The following ENO4 variants were observed in gnomAD, a reference collection of about 807,000 sequenced individuals.
The protein encoded by ENO4 is enolase 4.
Under a neutral mutation model 63.2 loss-of-function variants are expected in ENO4, and 53 were observed. That is an observed-to-expected ratio of 0.84 (90% CI 0.67 to 1.05). The LOEUF is 1.05. ENO4 is among the 50% of genes least tolerant of loss of function. The probability of loss-of-function intolerance (pLI) is 0.00; values close to 1 mark genes in which losing one functional copy is unlikely to be tolerated. For synonymous variants in ENO4, 266 were observed against 283.8 expected, an observed-to-expected ratio of 0.94 and a Z score of 0.63; for missense variants, 719 against 772.0, an observed-to-expected ratio of 0.93 and a Z score of 0.81.
chr10:116,883,197 A>G (rs1847071740), downstream of ENO4: 1 of 152,166 alleles, frequency 6.6e-6, no homozygotes, highest in Admixed American at 6.5e-5. Flanking sequence ...TCACCAATGG[A>G]TAATTAGCAT....
intron 1 of ENO4, among the ~76,000 whole-genome samples, chr10:116,854,543 G>C (rs960199145): frequency 6.9e-5 from 10 of 145,212 alleles, no homozygotes; most frequent in Admixed American, 4.1e-4. Flanking sequence ...CTGGGTGACA[G>C]AGTGAGACTC....
intron 8 of ENO4, among the ~76,000 whole-genome samples, chr10:116,869,571 C>T (rs755628968): frequency 1.3e-4 from 20 of 152,252 alleles, no homozygotes; most frequent in African/African-American, 3.6e-4. Context: ...ACACATACAG[C>T]GGTAAGTAAA....
At position 116,881,533 on chromosome 10, in the gene ENO4, C is replaced by T; in HGVS notation, c.1742C>T (p.Thr581Ile). The change falls in exon 14 of 14, where the codon ACT (threonine) becomes ATT (isoleucine). Residue 581 changes from threonine (T) to isoleucine (I), a missense_variant. Thr to Ile is a moderately conservative substitution (Grantham distance 89). Transcript: ENST00000341276. The stretch of plus-strand genomic sequence containing the variant: ...TAAATAGGTTTCAAAGAAGAACACA[C>T]TTTTTTTTACTTTAATGAGGAAGCT... ...NGTLGFKEEH[T>I]FFYFNEEAEK... is the part of the protein sequence containing the mutation. 6.5e-6 allele frequency: 10 copies of T among 1,543,152 alleles called. No homozygotes were observed. Among genetic ancestry groups the T allele is most frequent in the Non-Finnish European group, 8.7e-6 (10 of 1,144,376 alleles).
At position 116,856,612 on chromosome 10, in the gene ENO4, A is replaced by C. The variant is rs1050059021; in HGVS notation, c.415A>C (p.Asn139His). ...GGTGAGCACCGCCGTGCAGTGGGTC[A>C]ACAGCACCATCACGCACGAGCTCCA... ...SAVSTAVQWV[N>H]STITHELQGM... The change falls in exon 3 of 14, where the codon AAC (asparagine) becomes CAC (histidine). Residue 139 changes from asparagine (N) to histidine (H), a missense_variant. Physicochemically the swap from Asn to His is moderately conservative, Grantham distance 68. This residue lies in a region of ENO4 where 544 missense variants were observed against 583.6 expected (regional missense o/e 0.93). Coordinates refer to ENST00000341276, the MANE Select transcript of ENO4 (RefSeq NM_001242699.2). The C allele has an allele frequency of 3.9e-6, 6 of 1,536,074 alleles. No individual in the cohort carries two copies. In the African/African-American group the frequency reaches 6.8e-5, roughly 18 times the overall value.
intron 10 of ENO4, among the ~76,000 whole-genome samples, chr10:116,895,069 A>G (rs902574739): frequency 6.6e-6 from 1 of 151,792 alleles, no homozygotes; most frequent in African/African-American, 2.4e-5. Context: ...TTAAAAAGGC[A>G]TAGAATAAAG....
At chr10:116,874,231 C>A (rs1200757510) in intron 10 of ENO4, 30 bp downstream of exon 10, 1 of 1,499,356 alleles carries the variant, frequency 6.7e-7, no homozygotes, top group Non-Finnish European at 9.0e-7. Context: ...TATTTTATAA[C>A]ATATTTTATA....
At chr10:116,902,644 T>G (rs559948269) in intron 10 of ENO4, among the ~76,000 whole-genome samples, 54 of 152,316 alleles carry the variant, frequency 3.5e-4, no homozygotes, top group Non-Finnish European at 5.3e-4. Flanking sequence ...GTCCCTAATT[T>G]TAGGTGGAAA....
intron 10 of ENO4, among the ~76,000 whole-genome samples, chr10:116,888,558 C>CTG (rs1847235549): frequency 6.6e-6 from 1 of 152,192 alleles, no homozygotes; most frequent in Non-Finnish European, 1.5e-5. Flanking sequence ...CTATCTCTCT[C>CTG]TCACAAGCAC....
At chr10:116,896,170 T>C (rs1308005432) in intron 10 of ENO4, among the ~76,000 whole-genome samples, 2 of 152,122 alleles carry the variant, frequency 1.3e-5, no homozygotes, top group African/African-American at 4.8e-5. Flanking sequence ...CCCCCGAAAA[T>C]GCTTTTTTCC....
At chr10:116,897,722 G>A (rs1589783736) in intron 10 of ENO4, among the ~76,000 whole-genome samples, 1 of 152,158 alleles carries the variant, frequency 6.6e-6, no homozygotes, top group Non-Finnish European at 1.5e-5. Context: ...AGGAAATTCA[G>A]TTATAGATTA....
intron 3 of ENO4, among the ~76,000 whole-genome samples, 175 bp from the exon 4 acceptor site, chr10:116,858,815 G>T (rs1010335122): frequency 1.3e-5 from 2 of 152,140 alleles, no homozygotes; most frequent in South Asian, 2.1e-4. Flanking sequence ...CTTGAATGCA[G>T]TTTTATAACA....
At chr10:116,858,746 T>A (rs894831817) in intron 3 of ENO4, among the ~76,000 whole-genome samples, 7 of 152,220 alleles carry the variant, frequency 4.6e-5, no homozygotes, top group African/African-American at 1.4e-4. Context: ...TCAAATAATT[T>A]AAAAATGAGC....
In ENO4 at chr10:116,881,570, G is replaced by C. The variant is rs1354406975; in HGVS notation, c.1779G>C (p.Ala593=). The C allele has an allele frequency of 7.1e-6, 11 of 1,550,124 alleles. No individual in the cohort carries two copies. The highest frequency in any genetic ancestry group is 9.6e-6 in the Non-Finnish European group (11 of 1,146,874). ...TTAATGAGGAAGCTGAAAAGGCTGC[G>C]GAGGCACTTGAGGCTGCTGCGGCTA... ...FYFNEEAEKA[A]EALEAAAARE... is the part of the protein sequence containing the mutation. Residue 593 remains alanine (A), a synonymous_variant, in exon 14 of 14, where the codon GCG becomes GCC. Coordinates refer to ENST00000341276, the MANE Select transcript of ENO4 (RefSeq NM_001242699.2).
At chr10:116,878,961 T>C (rs370062792) in intron 11 of ENO4, among the ~76,000 whole-genome samples, 11 of 152,200 alleles carry the variant, frequency 7.2e-5, no homozygotes, top group African/African-American at 2.6e-4. Flanking sequence ...GCCAGGATGG[T>C]CTCGATCTCC....
At chr10:116,877,553 T>C (rs1416432690) in intron 11 of ENO4, among the ~76,000 whole-genome samples, 1 of 151,744 alleles carries the variant, frequency 6.6e-6, no homozygotes, top group East Asian at 1.9e-4. Context: ...GAGGCAAGGG[T>C]AGGTTCACTA....
intron 8 of ENO4, 49 bp downstream of exon 8, chr10:116,868,755 A>G: frequency 6.7e-7 from 1 of 1,483,346 alleles, no homozygotes. Flanking sequence ...CTGTCTATAA[A>G]TTTCCTGCCC....
rs1847019668 is a variant in ENO4, at chr10:116,881,650, C to G, written c.1859C>G (p.Thr620Arg). ...PTQGVEESAE[T>R]GASSG ...CAAGGTGTAGAGGAATCAGCCGAAACAGGAGCATCCTCTGGATAGGGCTGT... is the reference window on the plus strand; with the variant it reads ...CAAGGTGTAGAGGAATCAGCCGAAAGAGGAGCATCCTCTGGATAGGGCTGT... The change falls in exon 14 of 14, where the codon ACA becomes AGA. Residue 620 changes from threonine to arginine, a missense_variant. Physicochemically the swap from Thr to Arg is moderately conservative, Grantham distance 71. This residue lies in a region of ENO4 where 168 missense variants were observed against 163.3 expected (regional missense o/e 1.03). Coordinates refer to ENST00000341276, the MANE Select transcript of ENO4 (RefSeq NM_001242699.2). 1 of 1,546,568 alleles carries G rather than the reference C, an allele frequency of 6.5e-7. No individual in the cohort carries two copies. Among genetic ancestry groups the G allele is most frequent in the African/African-American group, 1.4e-5 (1 of 72,884 alleles).
At chr10:116,911,389 G>GA (rs770883133) in intron 10 of ENO4, 6 of 1,403,654 alleles carry the variant, frequency 4.3e-6, no homozygotes, top group Non-Finnish European at 5.7e-6. Flanking sequence ...ATTTGGGGAG[G>GA]AATTTAGCTT....
chr10:116,881,248 C>T (rs972983522), intron 13 of ENO4, among the ~76,000 whole-genome samples: 4 of 152,154 alleles, frequency 2.6e-5, no homozygotes, highest in Admixed American at 1.3e-4. Context: ...TAACCCTTTC[C>T]GCTAAGCCTC....
Sources: allele counts gnomAD v4.1 joint callset (sites outside exome capture counted in the v4.1 genomes callset), GRCh38; gene constraint gnomAD v4.1.1; regional missense constraint gnomAD v4.1.1; transcripts MANE v1.5; gene names NCBI Gene and HGNC (gene_info 2026-07-23, HGNC 2026-07-21).